MED20: variants seen among roughly 807,000 people sequenced by gnomAD.
MED20 encodes the protein mediator of RNA polymerase II transcription subunit 20.
A neutral mutation model predicts 19.7 loss-of-function variants in MED20; 19 were observed. That is an observed-to-expected ratio of 0.96 (90% CI 0.67 to 1.42). The LOEUF is 1.42. Ranked by LOEUF, MED20 falls within the 40% of genes most tolerant of loss-of-function variation. MED20 has a pLI of 0.00. For missense variants in MED20, 225 were observed against 273.0 expected (o/e 0.82, Z 1.24); for synonymous variants, 105 against 104.8 (o/e 1.00, Z -0.01).
In MED20 at chr6:41,914,423, A is replaced by G. The variant is rs144780709; in HGVS notation, c.169+2362T>C. ...AAGTGCAGGAAATGGATCTAAGGGA[A>G]ACAGGTACATGAGTGGCATGGAAAC... On this transcript the variant is annotated intron_variant, in intron 2 of 3. Transcript: ENST00000265350. 5.6e-4 allele frequency among the ~76,000 whole-genome samples: 86 copies of G among 152,334 alleles called. No individual in the cohort carries two copies. The East Asian group carries it at 0.015, about 27-fold the overall frequency.
chr6:41,909,157 G>C (rs1775126142), intron 3 of MED20, 112 bp downstream of exon 3: 1 of 1,422,544 alleles, frequency 7.0e-7, no homozygotes, highest in South Asian at 1.4e-5. Flanking sequence ...CTGGGTGACA[G>C]AACAAGACTC....
Position 41,907,208 on chromosome 6 carries a change from T to A in MED20, c.503A>T (p.His168Leu), listed in dbSNP as rs747657411. ...LEFLQSFLGS[H>L]TPGAPAVFGN... The stretch of plus-strand genomic sequence containing the variant: ...AAACACTGCGGGAGCCCCTGGTGTG[T>A]GGCTGCCTAGAAAACTCTGTAGGAA... The change falls in exon 4 of 4, where the codon CAC becomes CTC. Residue 168 changes from histidine to leucine, a missense_variant. By Grantham distance (99) the His-to-Leu change is moderately conservative. Coordinates refer to ENST00000265350, the MANE Select transcript of MED20 (RefSeq NM_004275.5). 9.9e-6 allele frequency: 16 copies of A among 1,613,918 alleles called. No homozygotes were observed. The highest frequency in any genetic ancestry group is 1.4e-5 in the Non-Finnish European group (16 of 1,180,010).
At chr6:41,910,503 A>T (rs1300452489) in intron 2 of MED20, among the ~76,000 whole-genome samples, 2 of 151,846 alleles carry the variant, frequency 1.3e-5, no homozygotes, top group East Asian at 3.9e-4. Context: ...GTGGCGGTGC[A>T]CGCCTGTAAT....
Position 41,916,955 on chromosome 6 carries a change from C to T in MED20, c.15-16G>A. On this transcript the variant is annotated splice_polypyrimidine_tract_variant and intron_variant, in intron 1 of 3. Transcript: ENST00000265350. ...CTGGGACACACTGGAAAGGAGAGCA[C>T]CAAATCGTCAGTTATCCAGAGACAC... The T allele has an allele frequency of 1.2e-6, 2 of 1,613,466 alleles. No homozygotes were observed. The highest frequency in any genetic ancestry group is 2.2e-5 in the South Asian group (2 of 91,052).
intron 1 of MED20, chr6:41,920,796 A>T: frequency 1.9e-6 from 1 of 522,768 alleles, no homozygotes; most frequent in Non-Finnish European, 3.2e-6. Flanking sequence ...AACAAAAAAA[A>T]AACCTTTGCT....
intron 3 of MED20, chr6:41,908,935 C>A: frequency 2.7e-6 from 1 of 366,884 alleles, no homozygotes; most frequent in South Asian, 8.5e-5. Context: ...GTAACCCCAG[C>A]ACTTTGGGGG....
intron 3 of MED20, 35 bp from the exon 4 acceptor site, chr6:41,907,322 G>A (rs1249932027): frequency 1.3e-6 from 2 of 1,569,656 alleles, no homozygotes; most frequent in African/African-American, 1.4e-5. Flanking sequence ...GAGGGTGAAT[G>A]AAGGCTAAGA....
Position 41,916,820 on chromosome 6 carries a change from G to A in MED20, c.134C>T (p.Thr45Ile). Reference sequence around the variant, plus strand: ...AAGGGTAGAGGCGGCCGTATGGTAAGTCTCACAGTCCACACAAAATGTTCC... The same window carrying A: ...AAGGGTAGAGGCGGCCGTATGGTAAATCTCACAGTCCACACAAAATGTTCC... ...KQGTFCVDCE[T>I]YHTAASTLGS... The change falls in exon 2 of 4, where the codon ACT becomes ATT. Residue 45 changes from threonine to isoleucine, a missense_variant. Thr to Ile is a moderately conservative substitution (Grantham distance 89). Transcript: ENST00000265350. 6.2e-7 allele frequency: 1 copy of A among 1,614,112 alleles called. No individual in the cohort carries two copies. Among genetic ancestry groups the A allele is most frequent in the Non-Finnish European group, 8.5e-7 (1 of 1,180,002 alleles).
At chr6:41,913,448 A>G (rs1485244416) in intron 2 of MED20, among the ~76,000 whole-genome samples, 1 of 152,184 alleles carries the variant, frequency 6.6e-6, no homozygotes, top group Non-Finnish European at 1.5e-5. Flanking sequence ...ATGCCATCTC[A>G]TATCTATATC....
At chr6:41,907,540 A>T (rs1775087775) in intron 3 of MED20, among the ~76,000 whole-genome samples, 2 of 152,124 alleles carry the variant, frequency 1.3e-5, no homozygotes, top group South Asian at 4.1e-4. Context: ...CCAGAAGCAG[A>T]TCTGGGCCCC....
chr6:41,912,290 C>T (rs1251105421), intron 2 of MED20, among the ~76,000 whole-genome samples: 2 of 149,948 alleles, frequency 1.3e-5, no homozygotes, highest in Non-Finnish European at 3.0e-5. Flanking sequence ...ATCCTCTCAC[C>T]TCTACCTCCC....
intron 1 of MED20, among the ~76,000 whole-genome samples, chr6:41,920,600 C>T (rs1775435794): frequency 6.6e-6 from 1 of 151,994 alleles, no homozygotes; most frequent in African/African-American, 2.4e-5. Flanking sequence ...TATGGTGAAA[C>T]CCCATTTCTA....
Position 41,907,180 on chromosome 6 carries a change from C to T in MED20, c.531G>A (p.Gly177=), listed in dbSNP as rs1171360679. 3.1e-6 allele frequency: 5 copies of T among 1,613,936 alleles called. No homozygotes were observed. Among genetic ancestry groups the T allele is most frequent in the Non-Finnish European group, 4.2e-6 (5 of 1,180,026 alleles). The change falls in exon 4 of 4, where the codon GGG becomes GGA. Residue 177 remains glycine, a synonymous_variant. Coordinates refer to ENST00000265350, the MANE Select transcript of MED20 (RefSeq NM_004275.5). ...GGCCGTAGACCGCATCATGTCTGTT[C>T]CCAAACACTGCGGGAGCCCCTGGTG... ...SHTPGAPAVF[G]NRHDAVYGPA... is the part of the protein sequence containing the mutation.
At position 41,909,107 on chromosome 6, in the gene MED20, G is replaced by C. The variant is rs183793634; in HGVS notation, c.423+162C>G. ...AAGGATCACTTGAGCCCTGGAGGTC[G>C]AGGCTACAGTGTGCCAAGATTGTGC... On this transcript the variant is annotated intron_variant, in intron 3 of 3. Coordinates refer to ENST00000265350, the MANE Select transcript of MED20 (RefSeq NM_004275.5). 1.2e-5 allele frequency: 11 copies of C among 897,114 alleles called. 1 individual carries two copies. The Admixed American group carries it at 2.8e-4, about 23-fold the overall frequency. 55.6% of individuals were successfully genotyped at this position (897,114 alleles called of 1,614,324 possible).
intron 3 of MED20, chr6:41,909,002 G>C (rs1379455282): frequency 8.0e-6 from 4 of 501,890 alleles, no homozygotes; most frequent in African/African-American, 5.8e-5. Flanking sequence ...GGGCAACATA[G>C]TAAGACCTCA....
At chr6:41,916,219 C>A (rs1775311233) in intron 2 of MED20, among the ~76,000 whole-genome samples, 1 of 151,790 alleles carries the variant, frequency 6.6e-6, no homozygotes, top group African/African-American at 2.4e-5. Context: ...CCACTGCACT[C>A]CAGCCTGGGA....
At chr6:41,918,122 C>G (rs1775363105) in intron 1 of MED20, among the ~76,000 whole-genome samples, 1 of 152,184 alleles carries the variant, frequency 6.6e-6, no homozygotes, top group Admixed American at 6.6e-5. Flanking sequence ...AACAACGTGC[C>G]AGACTGCATC....
At chr6:41,910,099 G>C (rs1418946640) in intron 2 of MED20, among the ~76,000 whole-genome samples, 1 of 152,076 alleles carries the variant, frequency 6.6e-6, no homozygotes, top group Non-Finnish European at 1.5e-5. Context: ...CATGCCTCAA[G>C]AAGTTTAGAC....
At position 41,909,465 on chromosome 6, in the gene MED20, A is replaced by C; in HGVS notation, c.227T>G (p.Phe76Cys). The C allele has an allele frequency of 6.2e-7, 1 of 1,614,276 alleles. No individual in the cohort carries two copies. ...GCAAGGGCCATTCTCAAAGAGGGCGAAACAGCTCAATGGGTACTCTGAGTT... is the reference window on the plus strand; with the variant it reads ...GCAAGGGCCATTCTCAAAGAGGGCGCAACAGCTCAATGGGTACTCTGAGTT... ...MHNSEYPLSC[F>C]ALFENGPCLI... is the part of the protein sequence containing the mutation. The change falls in exon 3 of 4, where the codon TTC becomes TGC. Residue 76 changes from phenylalanine to cysteine, a missense_variant. Phe to Cys is a radical substitution (Grantham distance 205). Coordinates refer to ENST00000265350, the MANE Select transcript of MED20 (RefSeq NM_004275.5).
Sources: gnomAD v4.1 joint callset for allele counts (sites outside exome capture counted in the v4.1 genomes callset) on GRCh38, gnomAD v4.1.1 for gene constraint, MANE v1.5 for transcripts, NCBI Gene and HGNC (gene_info 2026-07-23, HGNC 2026-07-21) for gene names.